The following ABCA13 variants were observed in gnomAD, a reference collection of about 807,000 sequenced individuals.
ABCA13 encodes ATP binding cassette subfamily A member 13, also known as ATP-binding cassette sub-family A member 13.
A neutral mutation model predicts 478.7 loss-of-function variants in ABCA13; 476 were observed. The ratio of observed to expected loss-of-function variants is 0.99; its 90% CI spans 0.92 to 1.07. The LOEUF (loss-of-function observed/expected upper bound fraction) is 1.07, where lower values mean the gene tolerates loss of function less well. ABCA13 is among the 50% of genes least tolerant of loss of function. The pLI is 0.00. For missense variants in ABCA13, 6,060 were observed against 5,910.6 expected (o/e 1.03, Z -0.83); for synonymous variants, 2,252 against 2,158.9 (o/e 1.04, Z -1.20).
chr7:48,300,252 G>T (rs1234502924), intron 23 of ABCA13, among the ~76,000 whole-genome samples: 1 of 152,210 alleles, frequency 6.6e-6, no homozygotes, highest in East Asian at 1.9e-4. Context: ...GGCATGCAGG[G>T]AATACTCTTC....
At chr7:48,211,376 C>T (rs1306881003) in intron 3 of ABCA13, among the ~76,000 whole-genome samples, 2 of 152,214 alleles carry the variant, frequency 1.3e-5, no homozygotes, top group Non-Finnish European at 2.9e-5. Context: ...CTTGAAGACT[C>T]CCAGATAATC....
chr7:48,315,867 T>C (rs576025177), intron 26 of ABCA13, among the ~76,000 whole-genome samples: 2 of 152,300 alleles, frequency 1.3e-5, no homozygotes, highest in East Asian at 3.9e-4. Context: ...AATGGGAAGT[T>C]TGGGAAGATG....
At chr7:48,623,372 T>A (rs989702806) in intron 59 of ABCA13, among the ~76,000 whole-genome samples, 2 of 152,210 alleles carry the variant, frequency 1.3e-5, no homozygotes, top group Admixed American at 6.5e-5. Flanking sequence ...ATCTGCTTAA[T>A]TATTGAGTGT....
chr7:48,329,862 C>G (rs1386813953), intron 27 of ABCA13, among the ~76,000 whole-genome samples: 2 of 148,962 alleles, frequency 1.3e-5, no homozygotes, highest in Admixed American at 1.3e-4. Context: ...TCCATCCACA[C>G]ATTTGTCTCT....
chr7:48,172,583 C>T (rs1223382921), intron 1 of ABCA13, among the ~76,000 whole-genome samples: 3 of 151,710 alleles, frequency 2.0e-5, no homozygotes. Context: ...ATCACGAGGT[C>T]AGGAGATCGA....
intron 51 of ABCA13, 121 bp from the exon 52 acceptor site, chr7:48,516,604 G>A (rs1832132618): frequency 3.1e-6 from 3 of 962,558 alleles, no homozygotes; most frequent in Non-Finnish European, 4.8e-6. Flanking sequence ...AGTATATGTA[G>A]GATTCAGTAA....
At chr7:48,239,000 A>T (rs1389230480) in intron 8 of ABCA13, among the ~76,000 whole-genome samples, 2 of 152,208 alleles carry the variant, frequency 1.3e-5, no homozygotes, top group East Asian at 3.8e-4. Context: ...TGTCATCTCC[A>T]TGTCCTTGGC....
chr7:48,490,153 G>T (rs947010812), intron 48 of ABCA13, among the ~76,000 whole-genome samples: 6 of 151,826 alleles, frequency 4.0e-5, no homozygotes, highest in Admixed American at 3.3e-4. Flanking sequence ...TAATTATTTT[G>T]TGGCATTGTA....
At chr7:48,269,275 G>A (rs1388632262) in intron 16 of ABCA13, among the ~76,000 whole-genome samples, 181 bp downstream of exon 16, 1 of 152,146 alleles carries the variant, frequency 6.6e-6, no homozygotes, top group East Asian at 1.9e-4. Flanking sequence ...CAAGTATCAA[G>A]TTGTTTAATA....
chr7:48,402,759 A>G (rs926736808), intron 38 of ABCA13, among the ~76,000 whole-genome samples: 7 of 152,228 alleles, frequency 4.6e-5, no homozygotes, highest in Non-Finnish European at 8.8e-5. Flanking sequence ...GAACATGTCA[A>G]ATCCTCTTCT....
At chr7:48,300,843 C>T (rs1255442613) in intron 23 of ABCA13, among the ~76,000 whole-genome samples, 1 of 152,196 alleles carries the variant, frequency 6.6e-6, no homozygotes, top group African/African-American at 2.4e-5. Flanking sequence ...AGCCTTCTGT[C>T]CTGGGTTTGC....
intron 59 of ABCA13, among the ~76,000 whole-genome samples, chr7:48,624,384 G>A (rs1793461853): frequency 6.6e-6 from 1 of 152,060 alleles, no homozygotes; most frequent in African/African-American, 2.4e-5. Flanking sequence ...GATTGACATA[G>A]GAGGCTTAAG....
chr7:48,229,316 A>G (rs1321878310), intron 6 of ABCA13, among the ~76,000 whole-genome samples: 1 of 152,216 alleles, frequency 6.6e-6, no homozygotes, highest in Non-Finnish European at 1.5e-5. Context: ...ACAGTTTAAC[A>G]GCCACTGATT....
chr7:48,268,218 G>A lies in ABCA13; in HGVS notation c.2006-762G>A, dbSNP rs775669341. 5.3e-5 allele frequency among the ~76,000 whole-genome samples: 8 copies of A among 151,926 alleles called. No individual in the cohort carries two copies. In the South Asian group the frequency reaches 6.2e-4, roughly 12 times the overall value. Reference sequence around the variant, plus strand: ...GTCACCCAGGCAGGAGTGCAGTGGCGTGATCTTGGCTCACTGCAATCTCCC... The same window carrying A: ...GTCACCCAGGCAGGAGTGCAGTGGCATGATCTTGGCTCACTGCAATCTCCC... On this transcript the variant is annotated intron_variant, in intron 15 of 61. Coordinates refer to ENST00000435803, the MANE Select transcript of ABCA13 (RefSeq NM_152701.5).
At chr7:48,448,310 T>C (rs1824552005) in intron 42 of ABCA13, among the ~76,000 whole-genome samples, 1 of 152,218 alleles carries the variant, frequency 6.6e-6, no homozygotes, top group African/African-American at 2.4e-5. Flanking sequence ...CTTTGGTGCA[T>C]ATTTAGAGTT....
At chr7:48,281,029 A>G (rs1796956897) in intron 18 of ABCA13, among the ~76,000 whole-genome samples, 1 of 152,188 alleles carries the variant, frequency 6.6e-6, no homozygotes, top group Admixed American at 6.5e-5. Flanking sequence ...AGCTCTTCAT[A>G]CCATCATGTT....
intron 57 of ABCA13, among the ~76,000 whole-genome samples, chr7:48,589,830 A>C (rs1193912586): frequency 6.6e-6 from 1 of 152,198 alleles, no homozygotes; most frequent in African/African-American, 2.4e-5. Flanking sequence ...ATCACAAGGC[A>C]AAAGTCAGAA....
chr7:48,254,665 A>T lies in ABCA13; in HGVS notation c.2005+5314A>T, dbSNP rs1793118926. Among the ~76,000 whole-genome samples, 2 of 152,124 alleles carry T rather than the reference A, an allele frequency of 1.3e-5. 1 individual carries two copies. Among genetic ancestry groups the T allele is most frequent in the South Asian group, 4.1e-4 (2 of 4,828 alleles). ...TCTGGCAGGCAGTGAGAGTGGAGGC[A>T]TATCGCTTTAATTCAGTCAGGAATT... On this transcript the variant is annotated intron_variant, in intron 15 of 61. Coordinates refer to ENST00000435803, the MANE Select transcript of ABCA13 (RefSeq NM_152701.5).
chr7:48,313,150 C>A lies in ABCA13; in HGVS notation c.9600C>A (p.Ala3200=). 6.2e-7 allele frequency: 1 copy of A among 1,613,150 alleles called. No homozygotes were observed. The highest frequency in any genetic ancestry group is 1.1e-5 in the South Asian group (1 of 90,852). ...GCCTCAGCGCCTTGCTTGCCAAAGC[C>A]CAGCACGTCTTTGAGTATCTTCCTG... ...VSSLSALLAK[A]QHVFEYLPEF... is the part of the protein sequence containing the mutation. Residue 3200 remains alanine (A), a synonymous_variant, in exon 25 of 62, where the codon GCC becomes GCA. Transcript: ENST00000435803.
Sources: gnomAD v4.1 joint callset for allele counts (sites outside exome capture counted in the v4.1 genomes callset) on GRCh38, gnomAD v4.1.1 for gene constraint, MANE v1.5 for transcripts, NCBI Gene and HGNC (gene_info 2026-07-23, HGNC 2026-07-21) for gene names.